The following ABCA3 variants were observed in gnomAD, a reference collection of about 807,000 sequenced individuals.
ABCA3 encodes the protein ATP binding cassette subfamily A member 3, also known as phospholipid-transporting ATPase ABCA3.
In ABCA3, 88 loss-of-function variants were observed where a neutral mutation model predicts 172.8. That is an observed-to-expected ratio of 0.51 (90% confidence interval 0.43 to 0.61). The LOEUF is 0.61. ABCA3 is among the 20% of genes least tolerant of loss of function. The probability of loss-of-function intolerance (pLI) is 0.00; values close to 1 mark genes in which losing one functional copy is unlikely to be tolerated. For missense variants in ABCA3, 2,164 were observed against 2,301.0 expected (o/e 0.94, Z 1.22); for synonymous variants, 1,066 against 983.8 (o/e 1.08, Z -1.56).
Position 2,323,578 on chromosome 16 carries a change from C to T in ABCA3, c.558G>A (p.Pro186=), listed in dbSNP as rs747303018. 19 of 1,613,916 alleles carry T rather than the reference C, an allele frequency of 1.2e-5. No homozygotes were observed. The highest frequency in any genetic ancestry group is 6.6e-5 in the South Asian group (6 of 91,054). Residue 186 remains proline, a synonymous_variant, in exon 7 of 33, where the codon CCG becomes CCA. Transcript: ENST00000301732. Reference sequence around the variant, plus strand: ...CCCTTGGTCCTGGGTTTGGGAAAAGCGGGAAAAGGGAAGTAGTGTGCCAGC... The same window carrying T: ...CCCTTGGTCCTGGGTTTGGGAAAAGTGGGAAAAGGGAAGTAGTGTGCCAGC... ...TEGWHTTSLF[P]LFPNPGPREP... is the part of the protein sequence containing the mutation.
At chr16:2,323,259 G>A in intron 7 of ABCA3, 1 of 551,708 alleles carries the variant, frequency 1.8e-6, no homozygotes, top group Middle Eastern at 5.0e-4. Flanking sequence ...ATTCCTCAGG[G>A]ATCTAGAACT....
intron 10 of ABCA3, among the ~76,000 whole-genome samples, chr16:2,309,425 G>A (rs1469679042): frequency 1.3e-5 from 2 of 152,236 alleles, no homozygotes; most frequent in Non-Finnish European, 2.9e-5. Context: ...AGAGCAAGGT[G>A]TGCTGGATGG....
In ABCA3 at chr16:2,286,944, A is replaced by C. The variant is rs1166218624; in HGVS notation, c.3028T>G (p.Phe1010Val). The C allele has an allele frequency of 6.2e-7, 1 of 1,613,596 alleles. No homozygotes were observed. The highest frequency in any genetic ancestry group is 1.1e-5 in the South Asian group (1 of 91,074). Residue 1010 changes from phenylalanine to valine, a missense_variant, in exon 22 of 33, where the codon TTC becomes GTC. Transcript: ENST00000301732. The surrounding 1 kb of genome is among the most constrained non-coding windows in gnomAD (Gnocchi z 5.2). ...VLGDLEEFLI[F>V]RASVEGGGFN... The stretch of plus-strand genomic sequence containing the variant: ...CCGCCCCCCTCCACAGAAGCCCTGA[A>C]GATCAAGAACTCCTCCAGGTCACCT...
rs527917544 is a variant in ABCA3 at position 2,317,499 on chromosome 16, G to A, written c.991-96C>T. ...CTGGTCACAGGGACGCGGCTCCACC[G>A]AGAGGAGTGGGACATTGACAGCTCC... is the stretch of plus-strand genomic sequence containing the variant. On this transcript the variant is annotated intron_variant, in intron 9 of 32. Transcript: ENST00000301732. 112 of 1,596,192 alleles carry A rather than the reference G, an allele frequency of 7.0e-5. 1 individual carries two copies. The African/African-American group carries it at 1.1e-3, about 15-fold the overall frequency.
intron 18 of ABCA3, among the ~76,000 whole-genome samples, chr16:2,292,780 ACAAC>A (rs2093674074): frequency 6.6e-6 from 1 of 151,654 alleles, no homozygotes; most frequent in African/African-American, 2.4e-5. Flanking sequence ...ACAAAACAAA[ACAAC>A]AAACAACAAC....
chr16:2,280,833 A>G (rs2093653808), intron 28 of ABCA3, among the ~76,000 whole-genome samples, 194 bp downstream of exon 28: 1 of 151,966 alleles, frequency 6.6e-6, no homozygotes. Flanking sequence ...CTCCCCTCCC[A>G]TCACCTGCTA....
intron 13 of ABCA3, 106 bp from the exon 14 acceptor site, chr16:2,299,638 G>A: frequency 6.4e-7 from 1 of 1,556,244 alleles, no homozygotes; most frequent in East Asian, 2.2e-5. Context: ...ACCAAGCCTA[G>A]CGTCACCATC....
rs1376082295 is a variant in ABCA3 at position 2,299,432 on chromosome 16, C to A, written c.1712G>T (p.Gly571Val). The A allele has an allele frequency of 6.2e-7, 1 of 1,613,826 alleles. No homozygotes were observed. The highest frequency in any genetic ancestry group is 8.5e-7 in the Non-Finnish European group (1 of 1,179,962). ...ITVLLGHNGA[G>V]KTTTLSMLTG... is the part of the protein sequence containing the mutation. Reference sequence around the variant, plus strand: ...GAGCATGGAGAGGGTGGTGGTCTTCCCGGCACCGTTGTGGCCCAGCAGGAC... The same window carrying A: ...GAGCATGGAGAGGGTGGTGGTCTTCACGGCACCGTTGTGGCCCAGCAGGAC... Residue 571 changes from glycine (G) to valine (V), a missense_variant, in exon 14 of 33, where the codon GGG (glycine) becomes GTG (valine). Gly to Val is a moderately radical substitution (Grantham distance 109). Coordinates refer to ENST00000301732, the MANE Select transcript of ABCA3 (RefSeq NM_001089.3).
intron 28 of ABCA3, 96 bp downstream of exon 28, chr16:2,280,931 G>T: frequency 6.7e-7 from 1 of 1,502,194 alleles, no homozygotes; most frequent in Non-Finnish European, 9.2e-7. Context: ...AGATGCAGCA[G>T]CTGTTTGGGG....
intron 18 of ABCA3, among the ~76,000 whole-genome samples, chr16:2,292,929 C>A (rs191857368): frequency 9.2e-5 from 14 of 152,158 alleles, no homozygotes; most frequent in African/African-American, 3.4e-4. Flanking sequence ...GACTCCAGCC[C>A]GGGCAACAGA....
intron 7 of ABCA3, among the ~76,000 whole-genome samples, chr16:2,323,062 C>T (rs913372231): frequency 6.6e-6 from 1 of 152,196 alleles, no homozygotes; most frequent in Non-Finnish European, 1.5e-5. Context: ...AAATGCTCAT[C>T]ATCACTGGCC....
At chr16:2,289,661 C>T (rs1219447535) in intron 19 of ABCA3, 41 bp from the exon 20 acceptor site, 2 of 1,540,012 alleles carry the variant, frequency 1.3e-6, no homozygotes, top group African/African-American at 1.4e-5. Flanking sequence ...ACCCAGCTCC[C>T]CGGGTGGGTG....
chr16:2,303,878 G>T, intron 12 of ABCA3, 91 bp downstream of exon 12: 2 of 1,436,260 alleles, frequency 1.4e-6, no homozygotes, highest in Non-Finnish European at 1.9e-6. Context: ...GGTGCTGCAT[G>T]CTGGGGACTC....
rs1185756158 is a variant in ABCA3, at chr16:2,276,355, C to T, written c.*319G>A. On this transcript the variant is annotated 3_prime_UTR_variant, in exon 33 of 33. Coordinates refer to ENST00000301732, the MANE Select transcript of ABCA3 (RefSeq NM_001089.3). Reference sequence around the variant, plus strand: ...CCAGGGAGTGCCTGGAGAAATTCAACCCCCAGCTCAGCTGCAGCCCTTCCT... The same window carrying T: ...CCAGGGAGTGCCTGGAGAAATTCAATCCCCAGCTCAGCTGCAGCCCTTCCT... 1.6e-5 allele frequency: 8 copies of T among 511,846 alleles called. No homozygotes were observed. Among genetic ancestry groups the T allele is most frequent in the Non-Finnish European group, 2.7e-5 (7 of 263,894 alleles). The allele number at this position is 511,846 out of a possible 1,614,324, so 31.7% of individuals were successfully genotyped here.
rs1465312677 is a variant in ABCA3, at chr16:2,279,780, C to T, written c.4360-650G>A. On this transcript the variant is annotated intron_variant, in intron 28 of 32. Coordinates refer to ENST00000301732, the MANE Select transcript of ABCA3 (RefSeq NM_001089.3). The surrounding 1 kb of genome is among the most constrained non-coding windows in gnomAD (Gnocchi z 4.4). The stretch of plus-strand genomic sequence containing the variant: ...TTTTTGAGACAGAGTCTTACTCTGT[C>T]TCCCTTACACTGGTAGAGCGCAGTG... 6.8e-6 allele frequency among the ~76,000 whole-genome samples: 1 copy of T among 146,202 alleles called. No individual in the cohort carries two copies. Among genetic ancestry groups the T allele is most frequent in the Non-Finnish European group, 1.5e-5 (1 of 66,998 alleles).
Position 2,285,752 on chromosome 16 carries a change from A to G in ABCA3, c.3279-106T>C. The G allele has an allele frequency of 9.2e-7, 1 of 1,091,924 alleles. No homozygotes were observed. Among genetic ancestry groups the G allele is most frequent in the Non-Finnish European group, 1.4e-6 (1 of 737,666 alleles). The allele number at this position is 1,091,924 out of a possible 1,614,324, so 67.6% of individuals were successfully genotyped here. On this transcript the variant is annotated intron_variant, in intron 22 of 32. Coordinates refer to ENST00000301732, the MANE Select transcript of ABCA3 (RefSeq NM_001089.3). The surrounding 1 kb of genome is among the most constrained non-coding windows in gnomAD (Gnocchi z 4.7). The stretch of plus-strand genomic sequence containing the variant: ...CCAAGGCATGCAGGGCAGCAGCCCA[A>G]CCACTAAAGGGGCTTATGGGAGAGC...
intron 3 of ABCA3, among the ~76,000 whole-genome samples, chr16:2,328,040 T>A (rs1161339689): frequency 1.3e-5 from 2 of 152,132 alleles, no homozygotes; most frequent in East Asian, 3.9e-4. Context: ...ATCTTTACCA[T>A]CTGTCCAACG....
intron 19 of ABCA3, among the ~76,000 whole-genome samples, chr16:2,291,639 C>T (rs1053531854): frequency 7.9e-5 from 12 of 152,208 alleles, no homozygotes; most frequent in African/African-American, 2.2e-4. Flanking sequence ...CCGTTTCCCA[C>T]GCACACCAAT....
At chr16:2,338,732 G>C (rs1464610925) in intron 1 of ABCA3, among the ~76,000 whole-genome samples, 1 of 151,694 alleles carries the variant, frequency 6.6e-6, no homozygotes, top group African/African-American at 2.4e-5. Flanking sequence ...TCCAAGAGCA[G>C]GGACTGTGTC....
Sources: allele counts gnomAD v4.1 joint callset (sites outside exome capture counted in the v4.1 genomes callset), GRCh38; gene constraint gnomAD v4.1.1; non-coding constraint Gnocchi (gnomAD v3.1); transcripts MANE v1.5; gene names NCBI Gene and HGNC (gene_info 2026-07-23, HGNC 2026-07-21).